NOL4: variants seen among roughly 807,000 people sequenced by gnomAD.
NOL4 encodes nucleolar protein 4, also known as cancer/testis antigen 125.
Under a neutral mutation model 75.9 loss-of-function variants are expected in NOL4, and 17 were observed. The observed-to-expected ratio is 0.22, with a 90% CI of 0.15 to 0.34. The LOEUF (loss-of-function observed/expected upper bound fraction) is 0.34. Ranked by LOEUF, NOL4 falls within the 10% of genes least tolerant of loss-of-function variation. NOL4 has a pLI of 1.00. For missense variants in NOL4, 614 were observed against 793.5 expected (o/e 0.77, Z 2.72); for synonymous variants, 292 against 289.9 (o/e 1.01, Z -0.07).
chr18:34,150,393 G>A (rs1414954973), intron 1 of NOL4, among the ~76,000 whole-genome samples: 7 of 151,656 alleles, frequency 4.6e-5, no homozygotes, highest in Non-Finnish European at 1.0e-4. Flanking sequence ...CAGAACAAAC[G>A]AGTATCAGTA....
intron 2 of NOL4, among the ~76,000 whole-genome samples, chr18:34,128,411 T>C (rs184673113): frequency 5.5e-4 from 84 of 152,064 alleles, no homozygotes; most frequent in African/African-American, 1.7e-3. Context: ...AAATGTATTA[T>C]TATAAGATTA....
intron 9 of NOL4, among the ~76,000 whole-genome samples, chr18:33,928,345 C>T (rs963303123): frequency 6.6e-6 from 1 of 152,108 alleles, no homozygotes; most frequent in African/African-American, 2.4e-5. Context: ...AAAGATGTAT[C>T]TCAAAAATTT....
chr18:33,925,709 C>A (rs1056335611), intron 9 of NOL4, among the ~76,000 whole-genome samples: 2 of 151,986 alleles, frequency 1.3e-5, no homozygotes, highest in African/African-American at 4.8e-5. Context: ...CCAAAGGGAG[C>A]TAAATATTTT....
intron 1 of NOL4, among the ~76,000 whole-genome samples, chr18:34,167,227 T>C (rs1362162441): frequency 2.0e-5 from 3 of 151,944 alleles, no homozygotes; most frequent in African/African-American, 7.2e-5. Flanking sequence ...TATCAGGGAA[T>C]TGAGCATCAC....
intron 5 of NOL4, among the ~76,000 whole-genome samples, chr18:34,078,916 G>A (rs1234317364): frequency 2.0e-5 from 3 of 152,190 alleles, no homozygotes; most frequent in Non-Finnish European, 4.4e-5. Context: ...GTTAGCGGTT[G>A]TTACTAACAC....
chr18:34,096,013 A>G (rs927327748), intron 4 of NOL4, among the ~76,000 whole-genome samples: 3 of 152,058 alleles, frequency 2.0e-5, no homozygotes, highest in Admixed American at 6.6e-5. Context: ...CTAAATATAA[A>G]TATTCAAGTC....
chr18:34,004,091 T>C (rs1290906509), intron 6 of NOL4, among the ~76,000 whole-genome samples: 1 of 152,132 alleles, frequency 6.6e-6, no homozygotes, highest in East Asian at 1.9e-4. Flanking sequence ...CTACTTTTTA[T>C]TGATTCCAGG....
chr18:34,043,365 T>C (rs566669344), intron 5 of NOL4, among the ~76,000 whole-genome samples: 1 of 152,224 alleles, frequency 6.6e-6, no homozygotes, highest in Admixed American at 6.5e-5. Context: ...ATCTTTACAA[T>C]TTTCCTCTTC....
intron 4 of NOL4, among the ~76,000 whole-genome samples, chr18:34,095,963 A>G (rs2078759077): frequency 1.4e-5 from 2 of 139,104 alleles, no homozygotes; most frequent in African/African-American, 2.4e-5. Flanking sequence ...TATGTATATG[A>G]GGATATGTAT....
chr18:34,167,576 A>G (rs1036000165), intron 1 of NOL4, among the ~76,000 whole-genome samples: 3 of 152,156 alleles, frequency 2.0e-5, no homozygotes, highest in Non-Finnish European at 2.9e-5. Flanking sequence ...AGACAGACAG[A>G]TAGATAGAGG....
chr18:33,895,894 T>C (rs1163060232), intron 9 of NOL4, among the ~76,000 whole-genome samples: 1 of 152,094 alleles, frequency 6.6e-6, no homozygotes, highest in Non-Finnish European at 1.5e-5. Context: ...TAATTCTATA[T>C]CTAGAAAACC....
At chr18:34,166,190 A>G (rs748461193) in intron 1 of NOL4, among the ~76,000 whole-genome samples, 8 of 152,150 alleles carry the variant, frequency 5.3e-5, no homozygotes, top group Non-Finnish European at 1.0e-4. Context: ...AAATGCTGAC[A>G]GTTTTTATCT....
intron 9 of NOL4, among the ~76,000 whole-genome samples, chr18:33,884,677 G>T (rs1433597404): frequency 4.0e-5 from 6 of 151,668 alleles, no homozygotes; most frequent in Non-Finnish European, 7.4e-5. Context: ...ATTCTTAGGA[G>T]AGTTTTTTGT....
Position 33,925,373 on chromosome 18 carries a change from T to C in NOL4, c.1542+17692A>G, listed in dbSNP as rs537628910. On this transcript the variant is annotated intron_variant, in intron 9 of 10. Coordinates refer to ENST00000261592, the MANE Select transcript of NOL4 (RefSeq NM_003787.5). ...GTAAAGACCTATAGAAAGCATCTTG[T>C]ATTTTAAAAAAACTAGCTCAAATGC... Among the ~76,000 whole-genome samples the C allele has an allele frequency of 9.2e-5, 14 of 152,266 alleles. No individual in the cohort carries two copies. In the East Asian group the frequency reaches 2.7e-3, roughly 29 times the overall value.
At chr18:33,889,656 G>A (rs918231719) in intron 9 of NOL4, among the ~76,000 whole-genome samples, 3 of 151,984 alleles carry the variant, frequency 2.0e-5, no homozygotes, top group African/African-American at 7.3e-5. Context: ...CTGGCAAACC[G>A]AATCCAACAG....
chr18:33,926,625 G>A (rs909107399), intron 9 of NOL4, among the ~76,000 whole-genome samples: 7 of 152,066 alleles, frequency 4.6e-5, no homozygotes, highest in African/African-American at 7.2e-5. Flanking sequence ...TGTTTGAGAC[G>A]GAGTCTCGCT....
At chr18:34,031,933 G>C (rs1051839917) in intron 5 of NOL4, among the ~76,000 whole-genome samples, 1 of 152,152 alleles carries the variant, frequency 6.6e-6, no homozygotes, top group African/African-American at 2.4e-5. Flanking sequence ...CTCACAGTGG[G>C]TCCCAAAAAA....
At chr18:33,968,137 T>C (rs2070754118) in intron 6 of NOL4, among the ~76,000 whole-genome samples, 1 of 151,896 alleles carries the variant, frequency 6.6e-6, no homozygotes, top group South Asian at 2.1e-4. Context: ...AATAGCGGAT[T>C]CTGACGAGAC....
At chr18:34,136,413 C>T (rs992655363) in intron 1 of NOL4, among the ~76,000 whole-genome samples, 1 of 152,020 alleles carries the variant, frequency 6.6e-6, no homozygotes, top group Non-Finnish European at 1.5e-5. Flanking sequence ...TTTGTAGATG[C>T]TTTGTGTGTC....
Sources: allele counts gnomAD v4.1 joint callset (sites outside exome capture counted in the v4.1 genomes callset), GRCh38; gene constraint gnomAD v4.1.1; transcripts MANE v1.5; gene names NCBI Gene and HGNC (gene_info 2026-07-23, HGNC 2026-07-21).